The following SGPP1 variants were observed in gnomAD, a reference collection of about 807,000 sequenced individuals.
The protein encoded by SGPP1 is sphingosine-1-phosphate phosphatase 1, also known as hSPP1.
SGPP1 carries 21 observed loss-of-function variants against 33.0 expected under a neutral mutation model. The ratio of observed to expected loss-of-function variants is 0.64; its 90% CI spans 0.45 to 0.92. SGPP1 has a LOEUF of 0.92. SGPP1 is among the 40% of genes least tolerant of loss of function. SGPP1 has a pLI of 0.00. For missense variants in SGPP1, 543 were observed against 589.4 expected (o/e 0.92, Z 0.81); for synonymous variants, 239 against 241.2 (o/e 0.99, Z 0.08).
At chr14:63,686,752 A>T in intron 2 of SGPP1, 96 bp from the exon 3 acceptor site, 1 of 911,970 alleles carries the variant, frequency 1.1e-6, no homozygotes, top group Non-Finnish European at 1.6e-6. Context: ...TGTTGAATAT[A>T]CATAAATTTT....
rs377238343 is a variant in SGPP1, at chr14:63,711,156, G to A, written c.685-12498C>T. Among the ~76,000 whole-genome samples the A allele has an allele frequency of 3.2e-3, 491 of 151,968 alleles. 1 individual carries two copies. Among genetic ancestry groups the A allele is most frequent in the African/African-American group, 0.011 (472 of 41,456 alleles). On this transcript the variant is annotated intron_variant, in intron 1 of 2. Coordinates refer to ENST00000247225, the MANE Select transcript of SGPP1 (RefSeq NM_030791.4). ...AGCCTCCCAAGTAGCTGGGATTACAGGCGTCCACCACCACGCCCAGCTAAT... is the reference window on the plus strand; with the variant it reads ...AGCCTCCCAAGTAGCTGGGATTACAAGCGTCCACCACCACGCCCAGCTAAT...
At chr14:63,716,834 C>T (rs1885638949) in intron 1 of SGPP1, among the ~76,000 whole-genome samples, 1 of 152,030 alleles carries the variant, frequency 6.6e-6, no homozygotes, top group African/African-American at 2.4e-5. Flanking sequence ...GCTGGGATTA[C>T]AGGCGCCCAC....
At chr14:63,702,475 C>T (rs10140520) in intron 1 of SGPP1, among the ~76,000 whole-genome samples, 26,185 of 151,900 alleles carry the variant, frequency 0.17, 2,641 homozygotes, top group East Asian at 0.49. Flanking sequence ...TTTGGAAGGT[C>T]GAGGCAGGCT....
chr14:63,712,453 A>T (rs1168811866), intron 1 of SGPP1, among the ~76,000 whole-genome samples: 1 of 152,120 alleles, frequency 6.6e-6, no homozygotes, highest in Non-Finnish European at 1.5e-5. Context: ...CCTTGACCAC[A>T]GCTACTTGGA....
chr14:63,684,677 A>G lies in SGPP1; in HGVS notation c.*1428T>C, dbSNP rs1046815229. On this transcript the variant is annotated 3_prime_UTR_variant, in exon 3 of 3. Coordinates refer to ENST00000247225, the MANE Select transcript of SGPP1 (RefSeq NM_030791.4). The stretch of plus-strand genomic sequence containing the variant: ...TAAAATCAGTAATTTCATACCTGGT[A>G]TTTATTTATATGGAAAGTTAATCTC... The G allele has an allele frequency of 6.6e-6, 1 of 152,470 alleles. No individual in the cohort carries two copies. The highest frequency in any genetic ancestry group is 1.5e-5 in the Non-Finnish European group (1 of 67,908). The allele number at this position is 152,470 out of a possible 1,614,324, so 9.4% of individuals were successfully genotyped here. A position where few individuals can be genotyped will look rare whatever the true frequency, so the allele number is the denominator to read the frequency against.
chr14:63,709,909 A>G (rs1885489254), intron 1 of SGPP1, among the ~76,000 whole-genome samples: 2 of 152,202 alleles, frequency 1.3e-5, no homozygotes, highest in Admixed American at 1.3e-4. Context: ...ACTATTATAC[A>G]TAATAAGAAT....
chr14:63,700,315 T>C (rs1304904708), intron 1 of SGPP1, among the ~76,000 whole-genome samples: 2 of 152,312 alleles, frequency 1.3e-5, no homozygotes, highest in East Asian at 3.9e-4. Flanking sequence ...GAGGTCCCTA[T>C]GGCAGTAAAC....
intron 1 of SGPP1, among the ~76,000 whole-genome samples, chr14:63,718,555 T>TATATGG (rs1325028790): frequency 6.6e-6 from 1 of 152,042 alleles, no homozygotes; most frequent in East Asian, 1.9e-4. Flanking sequence ...CCTTAGGACA[T>TATATGG]ATATGGATAT....
intron 1 of SGPP1, among the ~76,000 whole-genome samples, chr14:63,722,392 G>A (rs151029871): frequency 0.018 from 2,651 of 149,934 alleles, 61 homozygotes; most frequent in Middle Eastern, 0.059. Context: ...TTAGCCGGGC[G>A]TGGTGGGGCG....
chr14:63,684,804 T>C lies in SGPP1; in HGVS notation c.*1301A>G, dbSNP rs772893163. 5.9e-5 allele frequency: 9 copies of C among 152,470 alleles called. No individual in the cohort carries two copies. Among genetic ancestry groups the C allele is most frequent in the Non-Finnish European group, 1.0e-4 (7 of 67,888 alleles). 9.4% of individuals were successfully genotyped at this position (152,470 alleles called of 1,614,324 possible). ...CAGAAAAAAGAATAGTTTAATACTA[T>C]ACGCAAATTTTCCACTGTGAAAATA... On this transcript the variant is annotated 3_prime_UTR_variant, in exon 3 of 3. Coordinates refer to ENST00000247225, the MANE Select transcript of SGPP1 (RefSeq NM_030791.4).
At chr14:63,721,163 G>A (rs1368206473) in intron 1 of SGPP1, among the ~76,000 whole-genome samples, 4 of 152,184 alleles carry the variant, frequency 2.6e-5, no homozygotes, top group Non-Finnish European at 4.4e-5. Context: ...GATTACAGGC[G>A]TGAGCCACAG....
At chr14:63,703,385 T>C (rs1245937212) in intron 1 of SGPP1, among the ~76,000 whole-genome samples, 1 of 152,070 alleles carries the variant, frequency 6.6e-6, no homozygotes, top group Non-Finnish European at 1.5e-5. Flanking sequence ...CCAGGCACAG[T>C]GGTTCATGCC....
chr14:63,694,082 G>A (rs969115888), intron 2 of SGPP1, among the ~76,000 whole-genome samples: 1 of 152,022 alleles, frequency 6.6e-6, no homozygotes, highest in African/African-American at 2.4e-5. Flanking sequence ...GAGTTCGAAA[G>A]CAGCCTGGGC....
intron 1 of SGPP1, among the ~76,000 whole-genome samples, chr14:63,699,474 TG>T (rs1392636150): frequency 1.3e-5 from 2 of 152,092 alleles, no homozygotes; most frequent in African/African-American, 4.8e-5. Context: ...TTAGGGAAGT[TG>T]GGTTGAAATA....
intron 1 of SGPP1, among the ~76,000 whole-genome samples, chr14:63,717,962 G>A (rs1885669077): frequency 6.6e-6 from 1 of 152,098 alleles, no homozygotes. Flanking sequence ...AGTGCCAAAA[G>A]TAGCCGGGCA....
Position 63,686,663 on chromosome 14 carries a change from A to G in SGPP1, c.775-7T>C, listed in dbSNP as rs768366458. 3.2e-6 allele frequency: 5 copies of G among 1,567,642 alleles called. No individual in the cohort carries two copies. The highest frequency in any genetic ancestry group is 4.4e-6 in the Non-Finnish European group (5 of 1,147,046). Reference sequence around the variant, plus strand: ...GGAATCCAGCAATAATATCCTAGGAAAAGATAAAAGTATCGTTGTTTAGTA... The same window carrying G: ...GGAATCCAGCAATAATATCCTAGGAGAAGATAAAAGTATCGTTGTTTAGTA... On this transcript the variant is annotated splice_region_variant and splice_polypyrimidine_tract_variant and intron_variant, in intron 2 of 2. Transcript: ENST00000247225.
chr14:63,715,222 C>T (rs181302352), intron 1 of SGPP1, among the ~76,000 whole-genome samples: 211 of 151,416 alleles, frequency 1.4e-3, no homozygotes, highest in East Asian at 1.0e-2. Context: ...ACCACGTTGG[C>T]CAGGCTGGTC....
Position 63,686,081 on chromosome 14 carries a change from C to A in SGPP1, c.*24G>T. On this transcript the variant is annotated 3_prime_UTR_variant, in exon 3 of 3. Coordinates refer to ENST00000247225, the MANE Select transcript of SGPP1 (RefSeq NM_030791.4). The stretch of plus-strand genomic sequence containing the variant: ...GTATCAGTAACTGATACCCTCCTTT[C>A]TTATCATAAACAATACTTCTCCATC... The A allele has an allele frequency of 6.9e-7, 1 of 1,451,120 alleles. No individual in the cohort carries two copies. Among genetic ancestry groups the A allele is most frequent in the Non-Finnish European group, 9.3e-7 (1 of 1,077,532 alleles). 89.9% of individuals were successfully genotyped at this position (1,451,120 alleles called of 1,614,324 possible).
intron 1 of SGPP1, among the ~76,000 whole-genome samples, chr14:63,707,264 A>C (rs1227093371): frequency 1.3e-5 from 2 of 152,122 alleles, no homozygotes; most frequent in Admixed American, 6.6e-5. Context: ...TTTATATCAA[A>C]AACCACAGTA....
Sources: gnomAD v4.1 joint callset for allele counts (sites outside exome capture counted in the v4.1 genomes callset) on GRCh38, gnomAD v4.1.1 for gene constraint, MANE v1.5 for transcripts, NCBI Gene and HGNC (gene_info 2026-07-23, HGNC 2026-07-21) for gene names.